NLRC3: variants seen among roughly 807,000 people sequenced by gnomAD.
NLRC3 encodes the protein NLR family CARD domain containing 3, also known as NLR family CARD domain-containing protein 3.
NLRC3 carries 87 observed loss-of-function variants against 91.6 expected under a neutral mutation model. The observed-to-expected ratio is 0.95, with a 90% confidence interval of 0.80 to 1.14. NLRC3 has a LOEUF of 1.14. NLRC3 is among the 50% of genes most tolerant of loss of function. The pLI is 0.00. For synonymous variants in NLRC3, 694 were observed against 625.3 expected (o/e 1.11, Z -1.64); for missense variants, 1,577 against 1,418.6 (o/e 1.11, Z -1.79).
At position 3,549,130 on chromosome 16, in the gene NLRC3, C is replaced by T. The variant is rs1290268816; in HGVS notation, c.2603+12G>A. ...TGAACAGCCTGTGGAGTCACAGGCC[C>T]CCACCACGTACTCCAGGTTCTTCAG... On this transcript the variant is annotated intron_variant, in intron 13 of 19. Transcript: ENST00000359128. The T allele has an allele frequency of 6.4e-7, 1 of 1,555,210 alleles. No individual in the cohort carries two copies. Among genetic ancestry groups the T allele is most frequent in the Admixed American group, 1.9e-5 (1 of 52,472 alleles).
rs752830420 is a variant in NLRC3 at position 3,548,685 on chromosome 16, G to T, written c.2672C>A (p.Thr891Asn). ...GCAGACTCACTGAAGGGAGGTGAGG[G>T]TGCGGTTTTCTCTCACTGCCACTGC... Reference protein sequence around the residue: ...AIAVAVRENRTLTSLHLQWNF... With the variant: ...AIAVAVRENRNLTSLHLQWNF... The change falls in exon 14 of 20, where the codon ACC (threonine) becomes AAC (asparagine). Residue 891 changes from threonine (T) to asparagine (N), a missense_variant. By Grantham distance (65) the Thr-to-Asn change is moderately conservative. Transcript: ENST00000359128. The T allele has an allele frequency of 1.4e-5, 23 of 1,591,742 alleles. 2 individuals are homozygous for T. Among genetic ancestry groups the T allele is most frequent in the Non-Finnish European group, 2.0e-5 (23 of 1,168,912 alleles).
intron 1 of NLRC3, among the ~76,000 whole-genome samples, chr16:3,572,721 G>T (rs111870349): frequency 7.9e-5 from 12 of 152,200 alleles, no homozygotes; most frequent in African/African-American, 2.6e-4. Flanking sequence ...TTATCCTAAA[G>T]AAATATGTGG....
chr16:3,569,397 A>ATATATTTTTTTTTTTTT (rs2040013749), intron 1 of NLRC3, among the ~76,000 whole-genome samples: 3 of 41,058 alleles, frequency 7.3e-5, no homozygotes, highest in African/African-American at 3.7e-4. Flanking sequence ...TATATATATT[A>ATATATTTTTTTTTTTTT]TTTTTTTTTT....
intron 10 of NLRC3, 108 bp downstream of exon 10, chr16:3,552,088 C>T: frequency 2.8e-6 from 2 of 723,020 alleles, no homozygotes; most frequent in Non-Finnish European, 4.9e-6. Context: ...CATCCATTCA[C>T]CTATCCATCA....
intron 1 of NLRC3, among the ~76,000 whole-genome samples, chr16:3,575,935 G>A (rs899238109): frequency 6.6e-6 from 1 of 152,102 alleles, no homozygotes; most frequent in African/African-American, 2.4e-5. Flanking sequence ...TTCAGGACTC[G>A]GTTCTCTCGA....
intron 15 of NLRC3, 88 bp from the exon 16 acceptor site, chr16:3,544,417 A>C (rs1366836228): frequency 3.5e-6 from 3 of 850,290 alleles, no homozygotes; most frequent in Non-Finnish European, 5.9e-6. Context: ...GCCAGGTTTA[A>C]CCGACTACAC....
At chr16:3,562,869 T>G in intron 5 of NLRC3, 140 bp downstream of exon 5, 1 of 815,904 alleles carries the variant, frequency 1.2e-6, no homozygotes, top group South Asian at 1.4e-5. Context: ...ACACTTTAGT[T>G]GTTTTAAGCC....
intron 15 of NLRC3, among the ~76,000 whole-genome samples, chr16:3,547,551 CTCAA>C (rs2038755687): frequency 6.6e-6 from 1 of 151,974 alleles, no homozygotes; most frequent in Admixed American, 6.6e-5. Context: ...AAGATTATAT[CTCAA>C]TCAAGCTGTC....
chr16:3,572,392 C>G (rs1243185880), intron 1 of NLRC3, among the ~76,000 whole-genome samples: 1 of 152,024 alleles, frequency 6.6e-6, no homozygotes, highest in Non-Finnish European at 1.5e-5. Context: ...CTCAACTTCC[C>G]TGGGCTCAAG....
intron 2 of NLRC3, among the ~76,000 whole-genome samples, 169 bp from the exon 3 acceptor site, chr16:3,565,549 T>C (rs1295434001): frequency 6.8e-6 from 1 of 147,762 alleles, no homozygotes; most frequent in African/African-American, 2.5e-5. Context: ...TGACTAACAT[T>C]CTGGAAAAGG....
rs188485174 is a variant in NLRC3 at position 3,564,316 on chromosome 16, C to G, written c.621G>C (p.Ala207=). The G allele has an allele frequency of 3.1e-6, 5 of 1,611,486 alleles. No individual in the cohort carries two copies. Among genetic ancestry groups the G allele is most frequent in the Non-Finnish European group, 4.2e-6 (5 of 1,179,540 alleles). Residue 207 remains alanine (A), a synonymous_variant, in exon 5 of 20, where the codon GCG becomes GCC. Coordinates refer to ENST00000359128, the MANE Select transcript of NLRC3 (RefSeq NM_178844.4). This position sits in a 1 kb window ranked among gnomAD's most constrained non-coding sequence, Gnocchi z 5.9. ...VFPHVGEPSL[A]VAVPARALLI... ...GGAGGGCCCTGGCTGGGACTGCCAC[C>G]GCCAGGCTGGGCTCCCCGACGTGCG... is the stretch of plus-strand genomic sequence containing the variant.
chr16:3,550,579 C>T, intron 10 of NLRC3, 82 bp from the exon 11 acceptor site: 1 of 1,037,786 alleles, frequency 9.6e-7, no homozygotes, highest in Non-Finnish European at 1.5e-6. Flanking sequence ...TCAGGGAAGC[C>T]CTCCTGGGAG....
At chr16:3,548,343 C>A (rs1419308846) in intron 14 of NLRC3, 125 bp from the exon 15 acceptor site, 3 of 763,882 alleles carry the variant, frequency 3.9e-6, no homozygotes, top group Admixed American at 2.2e-5. Flanking sequence ...ATTCCTGCAA[C>A]CCCTGCCCAG....
intron 1 of NLRC3, among the ~76,000 whole-genome samples, chr16:3,570,680 T>C (rs1284689928): frequency 6.6e-6 from 1 of 152,036 alleles, no homozygotes; most frequent in Non-Finnish European, 1.5e-5. Context: ...GAAAGAGTCA[T>C]GCAGAGAGCT....
intron 10 of NLRC3, 33 bp from the exon 11 acceptor site, chr16:3,550,530 C>T (rs759324437): frequency 2.6e-6 from 4 of 1,509,588 alleles, no homozygotes; most frequent in Admixed American, 3.3e-5. Context: ...GAGCCAGCCT[C>T]TGGGAGCTGC....
intron 10 of NLRC3, among the ~76,000 whole-genome samples, 174 bp downstream of exon 10, chr16:3,552,022 C>CATCA (rs2039039922): frequency 6.6e-6 from 1 of 151,746 alleles, no homozygotes; most frequent in African/African-American, 2.4e-5. Flanking sequence ...TCCATCCATC[C>CATCA]ATTTACCTAG....
rs777270477 is a variant in NLRC3 at position 3,564,421 on chromosome 16, C to T, written c.516G>A (p.Ser172=). 4.3e-6 allele frequency: 7 copies of T among 1,612,614 alleles called. No homozygotes were observed. The highest frequency in any genetic ancestry group is 1.7e-5 in the Admixed American group (1 of 60,010). Residue 172 remains serine (S), a synonymous_variant, in exon 5 of 20, where the codon TCG becomes TCA. Coordinates refer to ENST00000359128, the MANE Select transcript of NLRC3 (RefSeq NM_178844.4). The surrounding 1 kb of genome is among the most constrained non-coding windows in gnomAD (Gnocchi z 5.9). ...WAHGQVGKDF[S]LVLPLTFRDL... is the part of the protein sequence containing the mutation. ...CCCGGAAGGTCAGAGGCAGCACCAG[C>T]GAGAAGTCCTTGCCGACCTGCCCAT...
intron 1 of NLRC3, among the ~76,000 whole-genome samples, chr16:3,575,943 C>T (rs927717662): frequency 1.3e-5 from 2 of 152,168 alleles, no homozygotes; most frequent in Non-Finnish European, 2.9e-5. Flanking sequence ...TCGGTTCTCT[C>T]GAGGTGGCCC....
intron 1 of NLRC3, among the ~76,000 whole-genome samples, chr16:3,575,581 C>G (rs2040258604): frequency 6.6e-6 from 1 of 152,210 alleles, no homozygotes; most frequent in African/African-American, 2.4e-5. Context: ...CAGGTAGCAC[C>G]AGGTTTCACC....
Sources: gnomAD v4.1 joint callset for allele counts (sites outside exome capture counted in the v4.1 genomes callset) on GRCh38, gnomAD v4.1.1 for gene constraint, Gnocchi (gnomAD v3.1) non-coding constraint, MANE v1.5 for transcripts, NCBI Gene and HGNC (gene_info 2026-07-23, HGNC 2026-07-21) for gene names.